Variants in KLHL32 observed in about 807,000 individuals in gnomAD.
KLHL32 encodes kelch like family member 32, also known as kelch-like protein 32.
Under a neutral mutation model 64.8 loss-of-function variants are expected in KLHL32, and 35 were observed. That is an observed-to-expected ratio of 0.54 (90% CI 0.41 to 0.72). KLHL32 has a LOEUF of 0.72. Ranked by LOEUF, KLHL32 falls within the 30% of genes least tolerant of loss-of-function variation. The probability of loss-of-function intolerance (pLI) is 0.00; values close to 1 mark genes in which losing one functional copy is unlikely to be tolerated. For missense variants in KLHL32, 589 were observed against 768.5 expected (o/e 0.77, Z 2.76); for synonymous variants, 259 against 281.0 (o/e 0.92, Z 0.78).
rs139831319 is a variant in KLHL32 at position 97,139,147 on chromosome 6, A to G, written c.1728A>G (p.Lys576=). The change falls in exon 11 of 11, where the codon AAA becomes AAG. Residue 576 remains lysine (K), a synonymous_variant. Transcript: ENST00000369261. ...IQVLDVSREG[K]EEVFYGPTLP... The stretch of plus-strand genomic sequence containing the variant: ...TACTGGATGTAAGCAGAGAAGGCAA[A>G]GAAGAAGTATTCTATGGGCCTACAC... The G allele has an allele frequency of 1.2e-6, 2 of 1,613,716 alleles. No individual in the cohort carries two copies. Among genetic ancestry groups the G allele is most frequent in the African/African-American group, 2.7e-5 (2 of 74,912 alleles).
chr6:96,991,421 C>T (rs901926057), intron 3 of KLHL32, among the ~76,000 whole-genome samples: 2 of 151,966 alleles, frequency 1.3e-5, no homozygotes, highest in Non-Finnish European at 2.9e-5. Context: ...CAACCAGGCC[C>T]TTTGTTCCTT....
the KLHL32 span, among the ~76,000 whole-genome samples, chr6:96,908,885 G>C: frequency 4.5e-3 from 678 of 152,094 alleles, 6 homozygotes; most frequent in East Asian, 0.032. Context: ...CCAAAGCTTC[G>C]TACTTGTGCC....
intron 1 of KLHL32, among the ~76,000 whole-genome samples, chr6:96,930,374 G>C (rs1373334567): frequency 6.6e-6 from 1 of 152,046 alleles, no homozygotes; most frequent in African/African-American, 2.4e-5. Flanking sequence ...GATACTTCTT[G>C]GTTCTGTGAC....
the KLHL32 span, among the ~76,000 whole-genome samples, chr6:96,899,024 C>G: frequency 6.6e-6 from 1 of 151,896 alleles, no homozygotes; most frequent in African/African-American, 2.4e-5. Context: ...ATCAAAGAAC[C>G]AAAATGAAGA....
At chr6:96,989,119 CAT>C (rs1196853732) in intron 3 of KLHL32, among the ~76,000 whole-genome samples, 37 of 152,244 alleles carry the variant, frequency 2.4e-4, no homozygotes, top group African/African-American at 7.0e-4. Flanking sequence ...AAAATATTGA[CAT>C]GTGTGGATTT....
intron 3 of KLHL32, among the ~76,000 whole-genome samples, chr6:96,981,920 C>A (rs138422546): frequency 1.3e-5 from 2 of 151,832 alleles, no homozygotes; most frequent in African/African-American, 4.8e-5. Flanking sequence ...AGAGTGTGAT[C>A]GGTATAATGT....
At chr6:97,100,966 C>CTTTTTTT (rs58422496) in intron 6 of KLHL32, among the ~76,000 whole-genome samples, 21,310 of 68,510 alleles carry the variant, frequency 0.31, 4,828 homozygotes, top group Non-Finnish European at 0.36. Flanking sequence ...TGCAGCCAAG[C>CTTTTTTT]TTTTTTTTTT....
chr6:97,068,953 G>A (rs562120093), intron 5 of KLHL32, among the ~76,000 whole-genome samples: 22 of 152,306 alleles, frequency 1.4e-4, no homozygotes, highest in African/African-American at 2.4e-4. Context: ...AAGAGGAGGC[G>A]TGCTGCTGGG....
intron 1 of KLHL32, among the ~76,000 whole-genome samples, chr6:96,962,585 A>G (rs1227617798): frequency 6.6e-6 from 1 of 152,186 alleles, no homozygotes; most frequent in African/African-American, 2.4e-5. Flanking sequence ...GCAAAAAGTG[A>G]AACAAAAGAA....
At chr6:96,929,977 C>CATTTTCCT (rs1324887386) in intron 1 of KLHL32, among the ~76,000 whole-genome samples, 1 of 152,140 alleles carries the variant, frequency 6.6e-6, no homozygotes, top group Non-Finnish European at 1.5e-5. Flanking sequence ...CTCTTGACAA[C>CATTTTCCT]ATTTTCCTAC....
intron 3 of KLHL32, among the ~76,000 whole-genome samples, chr6:97,026,636 C>A (rs1782754642): frequency 6.6e-6 from 1 of 152,108 alleles, no homozygotes; most frequent in Non-Finnish European, 1.5e-5. Flanking sequence ...GGGTCCACAC[C>A]TGGACTGGGC....
chr6:97,091,188 A>G (rs1794168524), intron 6 of KLHL32, among the ~76,000 whole-genome samples: 1 of 152,236 alleles, frequency 6.6e-6, no homozygotes, highest in Admixed American at 6.5e-5. Context: ...CAGCCTGGGC[A>G]ATAGAGCGAG....
At chr6:96,917,176 G>C in the KLHL32 span, among the ~76,000 whole-genome samples, 16 of 152,194 alleles carry the variant, frequency 1.1e-4, no homozygotes, top group African/African-American at 3.9e-4. Context: ...AACAGAAAAT[G>C]AGAAATTTAT....
the KLHL32 span, among the ~76,000 whole-genome samples, chr6:96,918,536 A>G: frequency 6.6e-6 from 1 of 152,340 alleles, no homozygotes; most frequent in Non-Finnish European, 1.5e-5. Context: ...ACATTAATCT[A>G]CATTATACTA....
chr6:96,943,908 A>C (rs530151760), intron 1 of KLHL32, among the ~76,000 whole-genome samples: 2 of 152,326 alleles, frequency 1.3e-5, no homozygotes, highest in East Asian at 3.9e-4. Context: ...GCTTCTTCAG[A>C]TCTAGATTCA....
At position 96,958,637 on chromosome 6, in the gene KLHL32, G is replaced by A. The variant is rs1773536616; in HGVS notation, c.-65-8359G>A. On this transcript the variant is annotated intron_variant, in intron 1 of 10. Transcript: ENST00000369261. Reference sequence around the variant, plus strand: ...GTAGGGCAGTGAGACGATCAAGTGGGCCAAGAGCTATTGCCTGTATTCATT... The same window carrying A: ...GTAGGGCAGTGAGACGATCAAGTGGACCAAGAGCTATTGCCTGTATTCATT... 4.0e-5 allele frequency among the ~76,000 whole-genome samples: 6 copies of A among 149,634 alleles called. No homozygotes were observed. The South Asian group carries it at 1.3e-3, about 31-fold the overall frequency.
chr6:97,131,286 C>G (rs1799414844), intron 9 of KLHL32, among the ~76,000 whole-genome samples: 1 of 152,142 alleles, frequency 6.6e-6, no homozygotes, highest in African/African-American at 2.4e-5. Context: ...TAACTCTTTA[C>G]AGAAGGAATT....
intron 3 of KLHL32, among the ~76,000 whole-genome samples, chr6:97,018,959 A>G (rs541823446): frequency 1.3e-5 from 2 of 152,366 alleles, no homozygotes. Flanking sequence ...GACGGAAGAT[A>G]TGGATAGTAC....
chr6:97,011,175 A>G (rs1007190683), intron 3 of KLHL32, among the ~76,000 whole-genome samples: 2 of 152,232 alleles, frequency 1.3e-5, no homozygotes, highest in Non-Finnish European at 2.9e-5. Context: ...AGCCAAGTTC[A>G]CGTTAAATTC....
Sources: allele counts gnomAD v4.1 joint callset (sites outside exome capture counted in the v4.1 genomes callset), GRCh38; gene constraint gnomAD v4.1.1; transcripts MANE v1.5; gene names NCBI Gene and HGNC (gene_info 2026-07-23, HGNC 2026-07-21).